The following BDH1 variants were observed in gnomAD, a reference collection of about 807,000 sequenced individuals.
BDH1 encodes the protein D-beta-hydroxybutyrate dehydrogenase, mitochondrial.
Under a neutral mutation model 33.1 loss-of-function variants are expected in BDH1, and 30 were observed. The observed-to-expected ratio is 0.91, with a 90% CI of 0.68 to 1.23. The LOEUF is 1.23. BDH1 is among the 50% of genes most tolerant of loss of function. The pLI is 0.00. For synonymous variants in BDH1, 190 were observed against 183.6 expected (o/e 1.03, Z -0.28); for missense variants, 443 against 464.4 (o/e 0.95, Z 0.42).
At chr3:197,545,330 G>A (rs1715981502) in intron 3 of BDH1, among the ~76,000 whole-genome samples, 1 of 152,148 alleles carries the variant, frequency 6.6e-6, no homozygotes. Context: ...TCACACAAAC[G>A]ATGCGGTGAA....
chr3:197,566,541 C>T (rs193071368), intron 1 of BDH1, among the ~76,000 whole-genome samples: 13 of 152,146 alleles, frequency 8.5e-5, no homozygotes, highest in Admixed American at 8.5e-4. Context: ...AACAAAGTTC[C>T]ATCAAAGCCA....
At chr3:197,517,238 C>CT (rs1712844404) in intron 6 of BDH1, among the ~76,000 whole-genome samples, 1 of 136,302 alleles carries the variant, frequency 7.3e-6, no homozygotes, top group Admixed American at 7.3e-5. Flanking sequence ...TCCATCCCCC[C>CT]TCAGGCCGAC....
upstream of BDH1, among the ~76,000 whole-genome samples, chr3:197,559,629 T>C (rs1327051021): frequency 6.6e-6 from 1 of 152,208 alleles, no homozygotes; most frequent in African/African-American, 2.4e-5. Flanking sequence ...TCTCAGCTTA[T>C]CTTTCCCAAC....
At chr3:197,560,583 C>T (rs571641092), upstream of BDH1, among the ~76,000 whole-genome samples, 34 of 152,272 alleles carry the variant, frequency 2.2e-4, no homozygotes, top group African/African-American at 6.5e-4. Flanking sequence ...TGTATGCTCA[C>T]GGCAAAACTG....
At chr3:197,517,162 C>T (rs573665792) in intron 6 of BDH1, among the ~76,000 whole-genome samples, 35 of 151,974 alleles carry the variant, frequency 2.3e-4, no homozygotes, top group African/African-American at 8.5e-4. Flanking sequence ...GTCTCACTCA[C>T]TCCTCCACCT....
At chr3:197,563,418 A>G (rs1717330175) in intron 1 of BDH1, among the ~76,000 whole-genome samples, 1 of 152,238 alleles carries the variant, frequency 6.6e-6, no homozygotes. Context: ...AGAAAAGAAG[A>G]ATGAACAAGG....
intron 5 of BDH1, chr3:197,529,522 G>A (rs1348073450): frequency 2.0e-5 from 3 of 152,136 alleles, no homozygotes; most frequent in South Asian, 2.1e-4. Context: ...AGAGATACTC[G>A]ACCTGTAATA....
chr3:197,571,957 A>T (rs1476583318), intron 1 of BDH1, among the ~76,000 whole-genome samples: 17 of 152,168 alleles, frequency 1.1e-4, no homozygotes, highest in Non-Finnish European at 2.5e-4. Flanking sequence ...TAATGGCTGA[A>T]CAGGTAGGCC....
chr3:197,568,783 C>T (rs953637319), intron 1 of BDH1, among the ~76,000 whole-genome samples: 1 of 151,924 alleles, frequency 6.6e-6, no homozygotes, highest in Non-Finnish European at 1.5e-5. Context: ...CACCTCTGCC[C>T]ATCCTGCCCT....
chr3:197,549,901 T>C (rs1164192341), intron 2 of BDH1, among the ~76,000 whole-genome samples: 6 of 151,942 alleles, frequency 3.9e-5, no homozygotes, highest in Non-Finnish European at 8.8e-5. Flanking sequence ...GTTAATTGCC[T>C]GGACACTATG....
chr3:197,519,215 C>G (rs897045078), intron 6 of BDH1, among the ~76,000 whole-genome samples: 1 of 152,038 alleles, frequency 6.6e-6, no homozygotes, highest in Non-Finnish European at 1.5e-5. Flanking sequence ...TGTCAGCCTG[C>G]GAGCAGCTTG....
upstream of BDH1, chr3:197,573,329 C>G (rs574121928): frequency 1.5e-4 from 23 of 152,298 alleles, no homozygotes; most frequent in African/African-American, 5.1e-4. Flanking sequence ...TCAATGCTTG[C>G]CTTTAGCTGA....
rs887941069 is a variant in BDH1, at chr3:197,522,550, C to A, written c.409+90G>T. 13 of 1,539,930 alleles carry A rather than the reference C, an allele frequency of 8.4e-6. No individual in the cohort carries two copies. The highest frequency in any genetic ancestry group is 1.2e-5 in the Non-Finnish European group (13 of 1,129,642). The stretch of plus-strand genomic sequence containing the variant: ...AACAATAAGGAAGGGAGTGTGGTGG[C>A]AGGATGCCAGCCAGTGGAAGGTGGT... On this transcript the variant is annotated intron_variant, in intron 6 of 7. Transcript: ENST00000392379. This position sits in a 1 kb window ranked among gnomAD's most constrained non-coding sequence, Gnocchi z 4.8.
At chr3:197,534,938 C>T (rs971817228) in intron 3 of BDH1, among the ~76,000 whole-genome samples, 6 of 152,184 alleles carry the variant, frequency 3.9e-5, no homozygotes, top group Non-Finnish European at 7.3e-5. Flanking sequence ...ACTTATATTC[C>T]TTACAGTTCT....
chr3:197,516,520 G>C lies in BDH1; in HGVS notation c.410-2104C>G, dbSNP rs1340621350. On this transcript the variant is annotated intron_variant, in intron 6 of 7. Coordinates refer to ENST00000392379, the MANE Select transcript of BDH1 (RefSeq NM_203314.3). The surrounding 1 kb of genome is among the most constrained non-coding windows in gnomAD (Gnocchi z 4.2). Reference sequence around the variant, plus strand: ...CTCACGGAGGCATGCCCGCTGGTTGGGTGACAGCAACTTTCCTGTAACATC... The same window carrying C: ...CTCACGGAGGCATGCCCGCTGGTTGCGTGACAGCAACTTTCCTGTAACATC... Among the ~76,000 whole-genome samples, 1 of 151,992 alleles carries C rather than the reference G, an allele frequency of 6.6e-6. No homozygotes were observed. The highest frequency in any genetic ancestry group is 1.5e-5 in the Non-Finnish European group (1 of 67,998).
rs1711957340 is a variant in BDH1, at chr3:197,510,929, A to G, written c.*966T>C. On this transcript the variant is annotated 3_prime_UTR_variant, in exon 8 of 8. Coordinates refer to ENST00000392379, the MANE Select transcript of BDH1 (RefSeq NM_203314.3). ...TCCACACAAGTCTATCCTGAGTCCTAAAAGAGGATGGAAAAATCTCAAGTA... is the reference window on the plus strand; with the variant it reads ...TCCACACAAGTCTATCCTGAGTCCTGAAAGAGGATGGAAAAATCTCAAGTA... 1 of 152,092 alleles carries G rather than the reference A, an allele frequency of 6.6e-6. No homozygotes were observed. Among genetic ancestry groups the G allele is most frequent in the South Asian group, 2.1e-4 (1 of 4,830 alleles). 9.4% of individuals were successfully genotyped at this position (152,092 alleles called of 1,614,324 possible).
intron 2 of BDH1, among the ~76,000 whole-genome samples, chr3:197,551,928 T>C (rs1331031796): frequency 2.0e-5 from 3 of 152,176 alleles, no homozygotes; most frequent in African/African-American, 7.2e-5. Context: ...GGCAGGCCAC[T>C]AAACAACGGA....
At position 197,526,019 on chromosome 3, in the gene BDH1, C is replaced by T. The variant is rs1384377171; in HGVS notation, c.268-3238G>A. On this transcript the variant is annotated intron_variant, in intron 5 of 7. Coordinates refer to ENST00000392379, the MANE Select transcript of BDH1 (RefSeq NM_203314.3). The surrounding 1 kb of genome is among the most constrained non-coding windows in gnomAD (Gnocchi z 4.7). ...TGTGCAACTGGCTTATTGATAAACC[C>T]ACTTCTTTATCTTACTGTCCCTTTC... is the stretch of plus-strand genomic sequence containing the variant. Among the ~76,000 whole-genome samples the T allele has an allele frequency of 6.6e-6, 1 of 152,192 alleles. No individual in the cohort carries two copies. Among genetic ancestry groups the T allele is most frequent in the Non-Finnish European group, 1.5e-5 (1 of 68,032 alleles).
rs993060662 is a variant in BDH1 at position 197,516,294 on chromosome 3, G to A, written c.410-1878C>T. Reference sequence around the variant, plus strand: ...AGCCGTTTTGTGTTTGATTCATAACGGACAATATCCCATGACTTAAAATGC... The same window carrying A: ...AGCCGTTTTGTGTTTGATTCATAACAGACAATATCCCATGACTTAAAATGC... On this transcript the variant is annotated intron_variant, in intron 6 of 7. Transcript: ENST00000392379. The surrounding 1 kb of genome is among the most constrained non-coding windows in gnomAD (Gnocchi z 4.2). Among the ~76,000 whole-genome samples, 2 of 152,044 alleles carry A rather than the reference G, an allele frequency of 1.3e-5. No individual in the cohort carries two copies. The highest frequency in any genetic ancestry group is 4.8e-5 in the African/African-American group (2 of 41,386).
Sources: gnomAD v4.1 joint callset for allele counts (sites outside exome capture counted in the v4.1 genomes callset) on GRCh38, gnomAD v4.1.1 for gene constraint, Gnocchi (gnomAD v3.1) non-coding constraint, MANE v1.5 for transcripts, NCBI Gene and HGNC (gene_info 2026-07-23, HGNC 2026-07-21) for gene names.